Variants in ABLIM2 observed in about 807,000 individuals in gnomAD.
ABLIM2 encodes actin binding LIM protein family member 2.
In ABLIM2, 53 loss-of-function variants were observed where a neutral mutation model predicts 97.7. The observed-to-expected ratio is 0.54, with a 90% CI of 0.44 to 0.68. The LOEUF (loss-of-function observed/expected upper bound fraction) is 0.68. Among genes scored for constraint, ABLIM2 ranks in the 30% least tolerant of loss-of-function variants. The pLI, the probability that ABLIM2 is intolerant of heterozygous loss-of-function variation, is 0.00. For synonymous variants in ABLIM2, 361 were observed against 345.8 expected, an observed-to-expected ratio of 1.04 and a Z score of -0.49; for missense variants, 835 against 867.2, an observed-to-expected ratio of 0.96 and a Z score of 0.47.
chr4:8,077,533 T>C, intron 6 of ABLIM2, 95 bp downstream of exon 6: 3 of 1,222,784 alleles, frequency 2.5e-6, no homozygotes, highest in South Asian at 2.8e-5. Flanking sequence ...CCAGACAGAT[T>C]CTTGCACAAA....
chr4:8,088,356 C>T (rs1825210174), intron 3 of ABLIM2, 72 bp from the exon 4 acceptor site: 2 of 1,215,308 alleles, frequency 1.6e-6, no homozygotes, highest in Non-Finnish European at 2.4e-6. Context: ...TGTCCCAGTG[C>T]AGGAGACCAG....
chr4:8,063,756 A>G (rs888280911), intron 6 of ABLIM2, among the ~76,000 whole-genome samples: 2 of 152,232 alleles, frequency 1.3e-5, no homozygotes, highest in Non-Finnish European at 2.9e-5. Flanking sequence ...CCTGTTAGAT[A>G]CAGTTATGTT....
In ABLIM2 at chr4:8,054,088, A is replaced by C; in HGVS notation, c.822+100T>G. On this transcript the variant is annotated intron_variant, in intron 8 of 20. Transcript: ENST00000447017. The surrounding 1 kb of genome is among the most constrained non-coding windows in gnomAD (Gnocchi z 4.9). The stretch of plus-strand genomic sequence containing the variant: ...CCCATCCTGCAGCCCGTGGGACTGG[A>C]CAATGAGCCTGTAGAATCTGGTCAG... 7.1e-7 allele frequency: 1 copy of C among 1,400,750 alleles called. No individual in the cohort carries two copies. Among genetic ancestry groups the C allele is most frequent in the Non-Finnish European group, 1.0e-6 (1 of 990,706 alleles). 86.8% of individuals were successfully genotyped at this position (1,400,750 alleles called of 1,614,324 possible). A position where few individuals can be genotyped will look rare whatever the true frequency, so the allele number is the denominator to read the frequency against.
At chr4:8,091,343 AT>A (rs1561325531) in intron 3 of ABLIM2, among the ~76,000 whole-genome samples, 1 of 27,076 alleles carries the variant, frequency 3.7e-5, no homozygotes, top group South Asian at 6.3e-4. Flanking sequence ...TATATATAAT[AT>A]ATATATAATT....
intron 20 of ABLIM2, among the ~76,000 whole-genome samples, chr4:7,969,501 G>A (rs534331631): frequency 1.3e-5 from 2 of 152,182 alleles, no homozygotes; most frequent in Admixed American, 1.3e-4. Flanking sequence ...TAGAATCACT[G>A]TGATTAGCAA....
At chr4:8,115,995 C>T (rs1125306) in intron 1 of ABLIM2, among the ~76,000 whole-genome samples, 45,958 of 152,150 alleles carry the variant, frequency 0.3, 7,419 homozygotes, top group East Asian at 0.52. Context: ...GAAGTCCCCA[C>T]GGATGGCCAG....
In ABLIM2 at chr4:8,056,112, C is replaced by CAAAAAAAAAAAAAAAAAAAAAAAAA. The variant is rs60992903; in HGVS notation, c.764-1891_764-1867dup. 8.8e-5 allele frequency among the ~76,000 whole-genome samples: 6 copies of CAAAAAAAAAAAAAAAAAAAAAAAAA among 68,332 alleles called. 1 individual carries two copies. The highest frequency in any genetic ancestry group is 6.3e-4 in the East Asian group (2 of 3,156). 44.8% of individuals were successfully genotyped at this position (68,332 alleles called of 152,430 possible). ...TGGGTAACAGAGCAAGACTCTGTCT[C>CAAAAAAAAAAAAAAAAAAAAAAAAA]AAAAAAAAAAAAAAAAAAAAAAAAA... On this transcript the variant is annotated intron_variant, in intron 7 of 20. Coordinates refer to ENST00000447017, the MANE Select transcript of ABLIM2 (RefSeq NM_001130083.2).
At chr4:8,024,153 C>A (rs564884990) in intron 12 of ABLIM2, among the ~76,000 whole-genome samples, 1 of 152,158 alleles carries the variant, frequency 6.6e-6, no homozygotes, top group Non-Finnish European at 1.5e-5. Flanking sequence ...CATCCCAGGG[C>A]CCCTCCCTCC....
At position 7,987,869 on chromosome 4, in the gene ABLIM2, T is replaced by C. The variant is rs115755440; in HGVS notation, c.1681-2976A>G. ...GCAAGGGGTCTTCAGTTACTGCCTT[T>C]ATGTGTGGACCAGCAGGAGAGCTAA... On this transcript the variant is annotated intron_variant, in intron 17 of 20. Coordinates refer to ENST00000447017, the MANE Select transcript of ABLIM2 (RefSeq NM_001130083.2). Among the ~76,000 whole-genome samples the C allele has an allele frequency of 4.3e-3, 653 of 152,208 alleles. 1 individual carries two copies. Among genetic ancestry groups the C allele is most frequent in the African/African-American group, 0.015 (627 of 41,502 alleles).
chr4:7,971,995 G>A (rs780768316), intron 20 of ABLIM2, among the ~76,000 whole-genome samples: 2 of 152,168 alleles, frequency 1.3e-5, no homozygotes, highest in Admixed American at 6.5e-5. Context: ...GCCTTGGCCT[G>A]CACAAGGAGG....
chr4:7,988,225 G>A (rs759649751), intron 17 of ABLIM2, among the ~76,000 whole-genome samples: 2 of 152,122 alleles, frequency 1.3e-5, no homozygotes, highest in Admixed American at 6.5e-5. Flanking sequence ...GTTTCACCAC[G>A]TTGGCCAGGC....
rs557662404 is a variant in ABLIM2 at position 8,085,637 on chromosome 4, C to T, written c.454+2532G>A. 2.0e-3 allele frequency among the ~76,000 whole-genome samples: 296 copies of T among 149,642 alleles called. 1 individual carries two copies. Among genetic ancestry groups the T allele is most frequent in the African/African-American group, 7.0e-3 (283 of 40,534 alleles). On this transcript the variant is annotated intron_variant, in intron 4 of 20. Transcript: ENST00000447017. The surrounding 1 kb of genome is among the most constrained non-coding windows in gnomAD (Gnocchi z 6.1). ...CCCACGCTGCAGCCCTGTCCACTCA[C>T]GCAGGTCTGGGGGTGCCCACGCTGC...
rs147842991 is a variant in ABLIM2 at position 8,048,846 on chromosome 4, G to A, written c.823-3605C>T. Among the ~76,000 whole-genome samples, 431 of 152,260 alleles carry A rather than the reference G, an allele frequency of 2.8e-3. 3 individuals carry two copies. Among genetic ancestry groups the A allele is most frequent in the African/African-American group, 0.01 (416 of 41,552 alleles). ...ACTGAAGTCACCCAGCCCCTGGCCA[G>A]AGCAGGGACCCCTCTGAGCTGAGCT... On this transcript the variant is annotated intron_variant, in intron 8 of 20. Transcript: ENST00000447017.
intron 2 of ABLIM2, among the ~76,000 whole-genome samples, chr4:8,104,337 A>G (rs1836130539): frequency 6.6e-6 from 1 of 152,320 alleles, no homozygotes; most frequent in Non-Finnish European, 1.5e-5. Flanking sequence ...CAGAACTGCC[A>G]TCCTGGGGGT....
intron 1 of ABLIM2, among the ~76,000 whole-genome samples, chr4:8,137,016 G>A (rs1271876758): frequency 2.6e-5 from 4 of 152,216 alleles, no homozygotes; most frequent in Admixed American, 1.3e-4. Context: ...CCTTCCATAG[G>A]AGGACACAGT....
rs528936418 is a variant in ABLIM2 at position 8,045,432 on chromosome 4, C to T, written c.823-191G>A. On this transcript the variant is annotated intron_variant, in intron 8 of 20. Coordinates refer to ENST00000447017, the MANE Select transcript of ABLIM2 (RefSeq NM_001130083.2). The stretch of plus-strand genomic sequence containing the variant: ...TTGGGAGGCTGAGGTGGGCGGATCA[C>T]GAGGTCAGGAGTTCGAGATCAGTCT... 2.4e-4 allele frequency among the ~76,000 whole-genome samples: 36 copies of T among 152,310 alleles called. No individual in the cohort carries two copies. In the South Asian group the frequency reaches 7.2e-3, roughly 31 times the overall value.
intron 16 of ABLIM2, among the ~76,000 whole-genome samples, chr4:8,000,364 G>C (rs749641664): frequency 2.0e-5 from 3 of 152,112 alleles, no homozygotes; most frequent in Admixed American, 6.5e-5. Flanking sequence ...ACCCCCACAT[G>C]CTCCCTGGCA....
At chr4:8,007,427 C>T (rs1762168331) in intron 16 of ABLIM2, 4 of 985,554 alleles carry the variant, frequency 4.1e-6, no homozygotes, top group South Asian at 9.4e-5. Flanking sequence ...CCAGCTGAGA[C>T]CCGCAGACCG....
intron 6 of ABLIM2, among the ~76,000 whole-genome samples, chr4:8,070,266 T>G (rs1811057655): frequency 6.6e-6 from 1 of 151,228 alleles, no homozygotes; most frequent in Non-Finnish European, 1.5e-5. Context: ...GTGTTGTCTG[T>G]GGGTTGTGCA....
Sources: allele counts gnomAD v4.1 joint callset (sites outside exome capture counted in the v4.1 genomes callset), GRCh38; gene constraint gnomAD v4.1.1; non-coding constraint Gnocchi (gnomAD v3.1); transcripts MANE v1.5; gene names NCBI Gene and HGNC (gene_info 2026-07-23, HGNC 2026-07-21).